The following ADAMTS3 variants were observed in gnomAD, a reference collection of about 807,000 sequenced individuals.
ADAMTS3 encodes A disintegrin and metalloproteinase with thrombospondin motifs 3.
In ADAMTS3, 73 loss-of-function variants were observed where a neutral mutation model predicts 129.0. The observed-to-expected ratio is 0.57, with a 90% CI of 0.47 to 0.69. ADAMTS3 has a LOEUF of 0.69. Among genes scored for constraint, ADAMTS3 ranks in the 30% least tolerant of loss-of-function variants. The pLI is 0.00. For synonymous variants in ADAMTS3, 477 were observed against 510.8 expected, an observed-to-expected ratio of 0.93 and a Z score of 0.89; for missense variants, 1,457 against 1,514.5, an observed-to-expected ratio of 0.96 and a Z score of 0.63.
chr4:72,285,907 G>C (rs1245302670), intron 21 of ADAMTS3, among the ~76,000 whole-genome samples: 1 of 152,078 alleles, frequency 6.6e-6, no homozygotes, highest in African/African-American at 2.4e-5. Flanking sequence ...TTCTGGAAAA[G>C]AGATTCACAC....
intron 21 of ADAMTS3, among the ~76,000 whole-genome samples, chr4:72,285,012 T>C (rs1329924375): frequency 6.6e-6 from 1 of 152,224 alleles, no homozygotes; most frequent in Non-Finnish European, 1.5e-5. Context: ...GAACTGTCAA[T>C]TGTGGCATTT....
chr4:72,568,441 C>G (rs1285177251), intron 1 of ADAMTS3, among the ~76,000 whole-genome samples: 1 of 152,104 alleles, frequency 6.6e-6, no homozygotes, highest in Non-Finnish European at 1.5e-5. Flanking sequence ...ACGAATGTCG[C>G]AGACTGGTGA....
chr4:72,401,242 C>T (rs1430162066), intron 4 of ADAMTS3, among the ~76,000 whole-genome samples: 1 of 151,432 alleles, frequency 6.6e-6, no homozygotes, highest in African/African-American at 2.4e-5. Context: ...CTGAATGATG[C>T]CAGGGTTGAG....
At chr4:72,415,343 T>C (rs1722278333) in intron 3 of ADAMTS3, among the ~76,000 whole-genome samples, 1 of 152,040 alleles carries the variant, frequency 6.6e-6, no homozygotes, top group Non-Finnish European at 1.5e-5. Flanking sequence ...AAAAAATCTC[T>C]AATTTCCCAA....
At chr4:72,392,126 CT>C (rs1721610442) in intron 4 of ADAMTS3, among the ~76,000 whole-genome samples, 1 of 152,144 alleles carries the variant, frequency 6.6e-6, no homozygotes, top group Non-Finnish European at 1.5e-5. Flanking sequence ...GAAGTGACCC[CT>C]TAGACCTCAC....
At chr4:72,455,479 G>T (rs1010833808) in intron 3 of ADAMTS3, among the ~76,000 whole-genome samples, 3 of 151,266 alleles carry the variant, frequency 2.0e-5, no homozygotes, top group Non-Finnish European at 3.0e-5. Flanking sequence ...TATTGGGGGT[G>T]GGGAACTATG....
At chr4:72,318,729 T>C (rs1424554355) in intron 9 of ADAMTS3, 25 bp from the exon 10 acceptor site, 3 of 1,601,202 alleles carry the variant, frequency 1.9e-6, no homozygotes, top group East Asian at 2.2e-5. Context: ...ATATTGCATG[T>C]AGTTAAATGT....
intron 3 of ADAMTS3, among the ~76,000 whole-genome samples, chr4:72,526,947 C>A (rs1217259958): frequency 6.6e-6 from 1 of 151,650 alleles, no homozygotes; most frequent in Non-Finnish European, 1.5e-5. Context: ...TAAGATAATT[C>A]TCTGGATTTC....
chr4:72,349,077 T>A (rs1035202781), intron 4 of ADAMTS3, among the ~76,000 whole-genome samples: 2 of 152,024 alleles, frequency 1.3e-5, no homozygotes, highest in African/African-American at 4.8e-5. Flanking sequence ...TACACAGTAA[T>A]GGAACAGAAA....
At chr4:72,508,546 G>A (rs1720224735) in intron 3 of ADAMTS3, among the ~76,000 whole-genome samples, 1 of 152,022 alleles carries the variant, frequency 6.6e-6, no homozygotes, top group Non-Finnish European at 1.5e-5. Context: ...TTAGAGAAAA[G>A]AATTTGAATT....
chr4:72,526,729 CATACATATATATATATATATATATATAT>C (rs1471552828), intron 3 of ADAMTS3, among the ~76,000 whole-genome samples: 1 of 42,412 alleles, frequency 2.4e-5, no homozygotes, highest in Non-Finnish European at 4.1e-5. Context: ...AAAATATATA[CATACATATATATATATATATATATATAT>C]ATATATATAT....
At chr4:72,402,443 T>C (rs1284751053) in intron 4 of ADAMTS3, among the ~76,000 whole-genome samples, 2 of 152,206 alleles carry the variant, frequency 1.3e-5, no homozygotes, top group Non-Finnish European at 2.9e-5. Flanking sequence ...GGTGTTCATC[T>C]AAAATTTATC....
At chr4:72,526,505 G>C (rs1720810173) in intron 3 of ADAMTS3, among the ~76,000 whole-genome samples, 1 of 147,022 alleles carries the variant, frequency 6.8e-6, no homozygotes, top group Non-Finnish European at 1.5e-5. Flanking sequence ...TAAATATATA[G>C]AATATAAATA....
In ADAMTS3 at chr4:72,288,796, C is replaced by T; in HGVS notation, c.3004G>A (p.Glu1002Lys). The change falls in exon 21 of 22, where the codon GAA becomes AAA. Residue 1002 changes from glutamate (E) to lysine (K), a missense_variant. Glu to Lys is a moderately conservative substitution (Grantham distance 56). Coordinates refer to ENST00000286657, the MANE Select transcript of ADAMTS3 (RefSeq NM_014243.3). The part of the protein sequence containing the change: ...LCRAGDHCDG[E>K]KPESVRACQL... ...CAGGCTCTGACCGACTCAGGCTTTT[C>T]ACCATCACAGTGGTCCCCAGCCCTG... 6.2e-7 allele frequency: 1 copy of T among 1,613,994 alleles called. No individual in the cohort carries two copies. Among genetic ancestry groups the T allele is most frequent in the Non-Finnish European group, 8.5e-7 (1 of 1,179,956 alleles).
chr4:72,419,748 C>A (rs1388469943), intron 3 of ADAMTS3, among the ~76,000 whole-genome samples: 2 of 152,082 alleles, frequency 1.3e-5, no homozygotes, highest in African/African-American at 2.4e-5. Flanking sequence ...AAACTCCTGG[C>A]ACACATGTGG....
intron 3 of ADAMTS3, among the ~76,000 whole-genome samples, chr4:72,536,376 G>A (rs1721185795): frequency 1.3e-5 from 2 of 152,146 alleles, no homozygotes; most frequent in South Asian, 4.1e-4. Context: ...CTAATTTTGT[G>A]GAAGACTATA....
chr4:72,488,711 T>C (rs573190707), intron 3 of ADAMTS3, among the ~76,000 whole-genome samples: 2 of 152,094 alleles, frequency 1.3e-5, no homozygotes, highest in Admixed American at 6.6e-5. Context: ...TTGATAGACA[T>C]ATATATTTAT....
chr4:72,550,078 A>G (rs1402899414), intron 2 of ADAMTS3, among the ~76,000 whole-genome samples: 1 of 53,320 alleles, frequency 1.9e-5, no homozygotes, highest in African/African-American at 9.3e-5. Flanking sequence ...AGGAAGAGGA[A>G]GAGGAAGAAG....
At chr4:72,552,165 C>T (rs1445234931) in intron 2 of ADAMTS3, among the ~76,000 whole-genome samples, 1 of 152,124 alleles carries the variant, frequency 6.6e-6, no homozygotes, top group Non-Finnish European at 1.5e-5. Context: ...AGCAGGAAAG[C>T]CTATGGTTAT....
Sources: allele counts gnomAD v4.1 joint callset (sites outside exome capture counted in the v4.1 genomes callset), GRCh38; gene constraint gnomAD v4.1.1; transcripts MANE v1.5; gene names NCBI Gene and HGNC (gene_info 2026-07-23, HGNC 2026-07-21).